The following CDH18 variants were observed in gnomAD, a reference collection of about 807,000 sequenced individuals.
CDH18 encodes cadherin 18.
In CDH18, 31 loss-of-function variants were observed where a neutral mutation model predicts 67.9. The ratio of observed to expected loss-of-function variants is 0.46; its 90% CI spans 0.34 to 0.62. The LOEUF (loss-of-function observed/expected upper bound fraction) is 0.62. Ranked by LOEUF, CDH18 falls within the 20% of genes least tolerant of loss-of-function variation. The probability of loss-of-function intolerance (pLI) is 0.01; values close to 1 mark genes in which losing one functional copy is unlikely to be tolerated. For missense variants in CDH18, 890 were observed against 975.5 expected, an observed-to-expected ratio of 0.91 and a Z score of 1.17; for synonymous variants, 362 against 347.2, an observed-to-expected ratio of 1.04 and a Z score of -0.48.
At chr5:19,967,511 G>A (rs1026214612) in intron 2 of CDH18, among the ~76,000 whole-genome samples, 1 of 152,064 alleles carries the variant, frequency 6.6e-6, no homozygotes, top group East Asian at 1.9e-4. Context: ...TAACTTGCCT[G>A]TGGTGATATA....
chr5:20,336,724 C>CAAAAAAAAAAAAAAAAAAAAA (rs59083214), intron 1 of CDH18, among the ~76,000 whole-genome samples: 9 of 63,482 alleles, frequency 1.4e-4, no homozygotes, highest in Admixed American at 4.1e-4. Context: ...GCCTCTGTCT[C>CAAAAAAAAAAAAAAAAAAAAA]AAAAAAAAAA....
At chr5:19,993,658 T>C (rs1232680404) in intron 2 of CDH18, among the ~76,000 whole-genome samples, 1 of 152,034 alleles carries the variant, frequency 6.6e-6, no homozygotes, top group Non-Finnish European at 1.5e-5. Flanking sequence ...AAATAGATAT[T>C]ATACATAGAT....
intron 1 of CDH18, among the ~76,000 whole-genome samples, chr5:20,432,475 A>G (rs1748821133): frequency 6.6e-6 from 1 of 152,150 alleles, no homozygotes; most frequent in Non-Finnish European, 1.5e-5. Flanking sequence ...GAGAGATTTT[A>G]TAAAAAATAT....
At chr5:20,428,858 G>A (rs1748526970) in intron 1 of CDH18, among the ~76,000 whole-genome samples, 1 of 152,114 alleles carries the variant, frequency 6.6e-6, no homozygotes, top group African/African-American at 2.4e-5. Context: ...GCAAGAAAAA[G>A]TAATTAGAAA....
intron 6 of CDH18, among the ~76,000 whole-genome samples, chr5:19,603,050 G>C (rs554070290): frequency 6.6e-6 from 1 of 152,242 alleles, no homozygotes; most frequent in South Asian, 2.1e-4. Context: ...AGCACTGAAA[G>C]TGGGGTGTTA....
intron 3 of CDH18, among the ~76,000 whole-genome samples, chr5:19,838,377 C>T (rs1781904991): frequency 6.6e-6 from 1 of 152,016 alleles, no homozygotes; most frequent in Admixed American, 6.6e-5. Context: ...GTGAAAATAG[C>T]AGTAAATGTC....
At chr5:20,428,758 C>A (rs941212713) in intron 1 of CDH18, among the ~76,000 whole-genome samples, 10 of 152,190 alleles carry the variant, frequency 6.6e-5, no homozygotes, top group African/African-American at 2.4e-4. Context: ...CGTATATAAG[C>A]AAAATGGACC....
intron 1 of CDH18, among the ~76,000 whole-genome samples, chr5:20,408,975 C>T (rs1746534120): frequency 6.6e-6 from 1 of 151,584 alleles, no homozygotes. Flanking sequence ...CTGCAAGAGA[C>T]AAAGAAGGAC....
intron 1 of CDH18, among the ~76,000 whole-genome samples, chr5:20,471,513 A>T (rs993542980): frequency 1.1e-4 from 16 of 152,024 alleles, no homozygotes; most frequent in Non-Finnish European, 2.2e-4. Context: ...TACAGTTTTT[A>T]CAAAGCGGCA....
intron 5 of CDH18, among the ~76,000 whole-genome samples, chr5:19,678,914 T>C (rs1053433827): frequency 6.6e-6 from 1 of 151,890 alleles, no homozygotes; most frequent in Non-Finnish European, 1.5e-5. Context: ...TTCCAAAAAA[T>C]TCAGGAGGAG....
intron 2 of CDH18, among the ~76,000 whole-genome samples, chr5:19,853,725 T>C (rs1783962822): frequency 6.6e-6 from 1 of 152,042 alleles, no homozygotes; most frequent in African/African-American, 2.4e-5. Flanking sequence ...CTGCAAACCT[T>C]TCTGGACCTA....
At position 19,791,356 on chromosome 5, in the gene CDH18, AACAC is replaced by A. The variant is rs58429751; in HGVS notation, c.229-44124_229-44121del. On this transcript the variant is annotated intron_variant, in intron 3 of 12. Coordinates refer to ENST00000382275, the MANE Select transcript of CDH18 (RefSeq NM_004934.5). ...TGATATTCTTGCAATTCGACTTTTA[AACAC>A]ACACACACACACACACACACACACA... Among the ~76,000 whole-genome samples the A allele has an allele frequency of 6.1e-3, 865 of 141,634 alleles. 7 individuals are homozygous for A. Among genetic ancestry groups the A allele is most frequent in the African/African-American group, 0.02 (763 of 37,936 alleles). The allele number at this position is 141,634 out of a possible 152,430, so 92.9% of individuals were successfully genotyped here.
Position 20,130,012 on chromosome 5 carries a change from C to T in CDH18, c.-518+125432G>A, listed in dbSNP as rs567671979. Among the ~76,000 whole-genome samples the T allele has an allele frequency of 4.0e-5, 6 of 150,694 alleles. No individual in the cohort carries two copies. The East Asian group carries it at 1.2e-3, about 29-fold the overall frequency. ...TTAGAAAAGACATGAATATAGACAG[C>T]TAGTCTTGGTGGAAAGTACCTATAC... is the stretch of plus-strand genomic sequence containing the variant. On this transcript the variant is annotated intron_variant, in intron 2 of 14. Transcript: ENST00000507958.
At chr5:20,107,894 C>T (rs529219844) in intron 2 of CDH18, among the ~76,000 whole-genome samples, 37 of 149,984 alleles carry the variant, frequency 2.5e-4, no homozygotes, top group Admixed American at 8.0e-4. Context: ...TAGGTATATC[C>T]CCTAATGCTA....
At chr5:20,520,845 T>C (rs1360218812) in intron 1 of CDH18, among the ~76,000 whole-genome samples, 1 of 152,092 alleles carries the variant, frequency 6.6e-6, no homozygotes, top group Non-Finnish European at 1.5e-5. Flanking sequence ...AAAATAAATA[T>C]ACAAATATAA....
intron 1 of CDH18, among the ~76,000 whole-genome samples, chr5:20,395,841 G>C (rs572151694): frequency 6.6e-6 from 1 of 152,180 alleles, no homozygotes; most frequent in East Asian, 1.9e-4. Context: ...AAGGCTGAAG[G>C]CTTAGAAACC....
intron 2 of CDH18, among the ~76,000 whole-genome samples, chr5:20,241,851 C>CAA (rs1210062844): frequency 2.4e-4 from 30 of 127,026 alleles, no homozygotes; most frequent in African/African-American, 8.6e-4. Flanking sequence ...GACCCTGTCG[C>CAA]AAAAAAAAAA....
intron 5 of CDH18, among the ~76,000 whole-genome samples, chr5:19,699,325 T>C (rs956352202): frequency 6.6e-6 from 1 of 152,156 alleles, no homozygotes; most frequent in Non-Finnish European, 1.5e-5. Context: ...CCAAACTATA[T>C]TTCAAAAAAT....
At chr5:19,741,975 C>T (rs1376926858) in intron 4 of CDH18, among the ~76,000 whole-genome samples, 2 of 152,034 alleles carry the variant, frequency 1.3e-5, no homozygotes, top group African/African-American at 2.4e-5. Flanking sequence ...TTGAAAAACT[C>T]GTTCCTAGAA....
Sources: allele counts gnomAD v4.1 joint callset (sites outside exome capture counted in the v4.1 genomes callset), GRCh38; gene constraint gnomAD v4.1.1; transcripts MANE v1.5; gene names NCBI Gene and HGNC (gene_info 2026-07-23, HGNC 2026-07-21).